The following MARK3 variants were observed in gnomAD, a reference collection of about 807,000 sequenced individuals.
MARK3 encodes the protein MAP/microtubule affinity-regulating kinase 3.
Under a neutral mutation model 90.1 loss-of-function variants are expected in MARK3, and 46 were observed. The observed-to-expected ratio is 0.51, with a 90% CI of 0.40 to 0.65. MARK3 has a LOEUF of 0.65. Among genes scored for constraint, MARK3 ranks in the 30% least tolerant of loss-of-function variants. The probability of loss-of-function intolerance (pLI) is 0.00; values close to 1 mark genes in which losing one functional copy is unlikely to be tolerated. For missense variants in MARK3, 818 were observed against 947.2 expected, an observed-to-expected ratio of 0.86 and a Z score of 1.79; for synonymous variants, 321 against 332.6, an observed-to-expected ratio of 0.97 and a Z score of 0.38.
intron 1 of MARK3, among the ~76,000 whole-genome samples, chr14:103,396,856 A>G (rs895122074): frequency 6.6e-6 from 1 of 152,168 alleles, no homozygotes; most frequent in Non-Finnish European, 1.5e-5. Context: ...TATCCAGCAC[A>G]GTAGCAACTA....
intron 12 of MARK3, among the ~76,000 whole-genome samples, chr14:103,468,427 C>T (rs1206364045): frequency 1.4e-5 from 2 of 143,370 alleles, no homozygotes; most frequent in East Asian, 4.2e-4. Context: ...CAGGTTCAAG[C>T]GATTCTCCTG....
intron 3 of MARK3, among the ~76,000 whole-genome samples, chr14:103,432,648 C>T (rs946074406): frequency 3.9e-5 from 6 of 151,988 alleles, no homozygotes; most frequent in African/African-American, 9.7e-5. Context: ...CTCAGGAATT[C>T]GAGATCAGCC....
chr14:103,477,739 G>C lies in MARK3; in HGVS notation c.1482+2529G>C, dbSNP rs576850700. 2.6e-4 allele frequency among the ~76,000 whole-genome samples: 39 copies of C among 151,996 alleles called. No homozygotes were observed. The South Asian group carries it at 7.9e-3, about 31-fold the overall frequency. On this transcript the variant is annotated intron_variant, in intron 13 of 17. Transcript: ENST00000429436. The stretch of plus-strand genomic sequence containing the variant: ...AGTGGCTAACCCCTATAATCTCAGC[G>C]CTTTGGGAGGCTGAGGTGGGAGGAT...
At chr14:103,412,226 ATGT>A (rs1346681392) in intron 2 of MARK3, 1 of 834,340 alleles carries the variant, frequency 1.2e-6, no homozygotes, top group East Asian at 2.5e-5. Flanking sequence ...AGCCAGGTGA[ATGT>A]TATGCACAAG....
rs746261291 is a variant in MARK3, at chr14:103,468,202, TC to T, written c.1264+19del. On this transcript the variant is annotated intron_variant, in intron 12 of 17. Transcript: ENST00000429436. ...AGTGACCATGGTAAGTTTTGGAGTA[TC>T]CCAGTGCCTTCTCTTAGAGTCCAGG... 8.1e-6 allele frequency: 13 copies of T among 1,609,746 alleles called. No homozygotes were observed. Among genetic ancestry groups the T allele is most frequent in the Middle Eastern group, 3.3e-4 (2 of 6,040 alleles).
intron 1 of MARK3, among the ~76,000 whole-genome samples, chr14:103,388,268 A>C (rs1170314614): frequency 1.3e-5 from 2 of 152,218 alleles, no homozygotes; most frequent in Non-Finnish European, 2.9e-5. Context: ...ACTTTTTTTA[A>C]AAATCAAGTT....
intron 1 of MARK3, among the ~76,000 whole-genome samples, chr14:103,400,982 T>TGTGC (rs2090929008): frequency 2.1e-5 from 3 of 141,894 alleles, no homozygotes; most frequent in African/African-American, 8.8e-5. Flanking sequence ...TGTGTGTGTG[T>TGTGC]ATGCAGGTTG....
At chr14:103,433,088 C>T (rs796536983) in intron 3 of MARK3, among the ~76,000 whole-genome samples, 3 of 116,020 alleles carry the variant, frequency 2.6e-5, no homozygotes, top group Non-Finnish European at 3.7e-5. Flanking sequence ...CTTTTCTTTT[C>T]TTTTCTTTTT....
At position 103,425,066 on chromosome 14, in the gene MARK3, G is replaced by A. The variant is rs529495712; in HGVS notation, c.244-3321G>A. 5.3e-5 allele frequency among the ~76,000 whole-genome samples: 8 copies of A among 151,610 alleles called. No individual in the cohort carries two copies. In the South Asian group the frequency reaches 6.3e-4, roughly 12 times the overall value. ...AGCAATTCTCCTGCCTTAGCCTCCC[G>A]AGTAGCTGGGATTACAGGCCCATGC... is the stretch of plus-strand genomic sequence containing the variant. On this transcript the variant is annotated intron_variant, in intron 2 of 17. Coordinates refer to ENST00000429436, the MANE Select transcript of MARK3 (RefSeq NM_001128918.3).
chr14:103,474,343 A>C (rs967968558), intron 12 of MARK3, among the ~76,000 whole-genome samples: 1 of 152,202 alleles, frequency 6.6e-6, no homozygotes, highest in Admixed American at 6.5e-5. Flanking sequence ...TGGAGTCTCT[A>C]TATGGTTTAC....
intron 15 of MARK3, among the ~76,000 whole-genome samples, chr14:103,494,791 C>T (rs993765275): frequency 9.9e-5 from 15 of 151,944 alleles, no homozygotes; most frequent in Non-Finnish European, 2.1e-4. Flanking sequence ...CGCCCACCAT[C>T]GCGCCTGGCT....
chr14:103,467,316 C>G (rs1188259849), intron 11 of MARK3, 125 bp downstream of exon 11: 2 of 526,876 alleles, frequency 3.8e-6, no homozygotes, highest in African/African-American at 3.9e-5. Context: ...GATTTACTTG[C>G]AAATAGCAAA....
Position 103,386,044 on chromosome 14 carries a change from C to G in MARK3, c.15C>G (p.Thr5=). 5 of 1,614,116 alleles carry G rather than the reference C, an allele frequency of 3.1e-6. No homozygotes were observed. Among genetic ancestry groups the G allele is most frequent in the Non-Finnish European group, 4.2e-6 (5 of 1,179,934 alleles). The stretch of plus-strand genomic sequence containing the variant: ...AGTGCAGTAAAATGTCCACTAGGAC[C>G]CCATTGCCAACGGTGAATGAACGAG... MSTR[T]PLPTVNERDT... is the part of the protein sequence containing the mutation. The change falls in exon 1 of 18, where the codon ACC becomes ACG. Residue 5 remains threonine (T), a synonymous_variant. Coordinates refer to ENST00000429436, the MANE Select transcript of MARK3 (RefSeq NM_001128918.3).
At chr14:103,451,363 C>T (rs2093143500) in intron 4 of MARK3, among the ~76,000 whole-genome samples, 1 of 152,152 alleles carries the variant, frequency 6.6e-6, no homozygotes, top group Non-Finnish European at 1.5e-5. Context: ...AAGATTCCCC[C>T]CCTCAATTAA....
intron 7 of MARK3, among the ~76,000 whole-genome samples, chr14:103,465,256 C>T (rs912614289): frequency 6.6e-6 from 1 of 152,188 alleles, no homozygotes; most frequent in African/African-American, 2.4e-5. Flanking sequence ...GTGTGAGCCA[C>T]CGTGCCCAGC....
rs1203645798 is a variant in MARK3, at chr14:103,503,167, G to A, written c.2202G>A (p.Ser734=). The A allele has an allele frequency of 2.1e-5, 34 of 1,614,062 alleles. No homozygotes were observed. Among genetic ancestry groups the A allele is most frequent in the African/African-American group, 2.7e-5 (2 of 74,920 alleles). The change falls in exon 18 of 18, where the codon TCG becomes TCA. Residue 734 remains serine, a synonymous_variant. Coordinates refer to ENST00000429436, the MANE Select transcript of MARK3 (RefSeq NM_001128918.3). ...SLNGVRFKRI[S]GTSIAFKNIA... ...ACGGGGTCCGGTTTAAGCGGATATC[G>A]GGGACATCCATAGCCTTCAAAAATA...
intron 12 of MARK3, among the ~76,000 whole-genome samples, chr14:103,469,475 C>T (rs1272273460): frequency 7.3e-5 from 11 of 150,892 alleles, no homozygotes; most frequent in Non-Finnish European, 2.9e-5. Context: ...AGCCACCGCG[C>T]CTGGCCTTAT....
chr14:103,453,888 G>A (rs532559096), intron 5 of MARK3, among the ~76,000 whole-genome samples: 2 of 152,324 alleles, frequency 1.3e-5, no homozygotes, highest in East Asian at 1.9e-4. Flanking sequence ...CACTGTGGGC[G>A]CTCTGGGCCT....
intron 1 of MARK3, among the ~76,000 whole-genome samples, chr14:103,404,270 G>A (rs1390290755): frequency 6.6e-6 from 1 of 152,174 alleles, no homozygotes; most frequent in South Asian, 2.1e-4. Flanking sequence ...AACGTGTAAA[G>A]GGGGTGGAAA....
Sources: allele counts gnomAD v4.1 joint callset (sites outside exome capture counted in the v4.1 genomes callset), GRCh38; gene constraint gnomAD v4.1.1; transcripts MANE v1.5; gene names NCBI Gene and HGNC (gene_info 2026-07-23, HGNC 2026-07-21).